The following ZNF718 variants were observed in gnomAD, a reference collection of about 807,000 sequenced individuals.
ZNF718 encodes zinc finger protein 718.
Under a neutral mutation model 2.6 loss-of-function variants are expected in ZNF718, and 3 were observed. The observed-to-expected ratio is 1.16, with a 90% CI of 0.53 to 3.01. The LOEUF is 3.01. Among genes scored for constraint, ZNF718 ranks in the 30% most tolerant of loss-of-function variants. ZNF718 has a pLI of 0.03. For missense variants in ZNF718, 468 were observed against 230.0 expected, an observed-to-expected ratio of 2.03 and a Z score of -6.69; for synonymous variants, 135 against 77.9, an observed-to-expected ratio of 1.73 and a Z score of -3.86.
In ZNF718 at chr4:163,764, T is replaced by C. The variant is rs942616171; in HGVS notation, c.*1642T>C. On this transcript the variant is annotated 3_prime_UTR_variant, in exon 4 of 4. Coordinates refer to ENST00000510175, the MANE Select transcript of ZNF718 (RefSeq NM_001039127.6). ...ACAGTATACTTTTAGTAACATAGTT[T>C]AATGACATTTCTAGTAATTTCTTTT... 3 of 152,196 alleles carry C rather than the reference T, an allele frequency of 2.0e-5. No individual in the cohort carries two copies. Among genetic ancestry groups the C allele is most frequent in the Non-Finnish European group, 2.9e-5 (2 of 68,024 alleles). The allele number at this position is 152,196 out of a possible 1,614,324, so 9.4% of individuals were successfully genotyped here.
At chr4:145,318 T>C (rs1553811025) in intron 3 of ZNF718, among the ~76,000 whole-genome samples, 1 of 152,236 alleles carries the variant, frequency 6.6e-6, no homozygotes, top group Non-Finnish European at 1.5e-5. Flanking sequence ...CATGCTTTCT[T>C]CCCTTGCGTT....
Position 161,473 on chromosome 4 carries a change from C to T in ZNF718, c.788C>T (p.Ala263Val), listed in dbSNP as rs1553815130. The part of the protein sequence containing the change: ...KPYICEKCGK[A>V]FNQSSTLNLH... ...TACATATGTGAAAAATGTGGTAAAG[C>T]TTTTAACCAATCCTCAACCCTTAAT... is the stretch of plus-strand genomic sequence containing the variant. Residue 263 changes from alanine to valine, a missense_variant, in exon 4 of 4, where the codon GCT (alanine) becomes GTT (valine). Ala to Val is a moderately conservative substitution (Grantham distance 64, BLOSUM62 0). Coordinates refer to ENST00000510175, the MANE Select transcript of ZNF718 (RefSeq NM_001039127.6). 10 of 777,320 alleles carry T rather than the reference C, an allele frequency of 1.3e-5. No individual in the cohort carries two copies. The highest frequency in any genetic ancestry group is 2.4e-5 in the Non-Finnish European group (10 of 415,204). The allele number at this position is 777,320 out of a possible 1,614,324, so 48.2% of individuals were successfully genotyped here.
intron 3 of ZNF718, among the ~76,000 whole-genome samples, chr4:187,985 A>AAAATGGATTGGGGTCCCATTT (rs1717602087): frequency 6.6e-6 from 1 of 152,160 alleles, no homozygotes; most frequent in Non-Finnish European, 1.5e-5. Context: ...CCAGCAAGGA[A>AAAATGGATTGGGGTCCCATTT]AAATGGATTG....
At position 162,315 on chromosome 4, in the gene ZNF718, T is replaced by C. The variant is rs1392234146; in HGVS notation, c.*193T>C. 2.1e-6 allele frequency: 1 copy of C among 479,200 alleles called. No homozygotes were observed. The highest frequency in any genetic ancestry group is 3.7e-6 in the Non-Finnish European group (1 of 271,452). 29.7% of individuals were successfully genotyped at this position (479,200 alleles called of 1,614,324 possible). A position where few individuals can be genotyped will look rare whatever the true frequency, so the allele number is the denominator to read the frequency against. On this transcript the variant is annotated 3_prime_UTR_variant, in exon 4 of 4. Coordinates refer to ENST00000510175, the MANE Select transcript of ZNF718 (RefSeq NM_001039127.6). ...AAAATGTGGAAAAGCCTTCAAATGC[T>C]TGTCACATATTACTGAATATAATTC...
intron 3 of ZNF718, among the ~76,000 whole-genome samples, chr4:195,083 G>C (rs1553821838): frequency 6.6e-6 from 1 of 152,144 alleles, no homozygotes; most frequent in Admixed American, 6.5e-5. Context: ...TTGTGCTCAG[G>C]GGTGAGTCCT....
chr4:173,751 G>T (rs1296096372), intron 3 of ZNF718, among the ~76,000 whole-genome samples: 1 of 152,130 alleles, frequency 6.6e-6, no homozygotes, highest in Non-Finnish European at 1.5e-5. Context: ...AAACAGGAGG[G>T]CTGACCAAGC....
chr4:144,173 C>G (rs557472224), intron 3 of ZNF718, among the ~76,000 whole-genome samples: 2 of 152,306 alleles, frequency 1.3e-5, no homozygotes, highest in East Asian at 3.9e-4. Context: ...CCTTCGAGCC[C>G]CTATGCTCGG....
intron 3 of ZNF718, among the ~76,000 whole-genome samples, chr4:144,085 A>T (rs1412959172): frequency 1.3e-5 from 2 of 152,002 alleles, no homozygotes; most frequent in African/African-American, 4.8e-5. Context: ...CACCCTCTCC[A>T]TTTACGTTGG....
intron 3 of ZNF718, among the ~76,000 whole-genome samples, chr4:134,686 C>G (rs1338853609): frequency 6.6e-6 from 1 of 151,332 alleles, no homozygotes; most frequent in Non-Finnish European, 1.5e-5. Flanking sequence ...GTTAAATTTA[C>G]TATGATTAAA....
At chr4:138,146 A>G (rs1434553896) in intron 3 of ZNF718, among the ~76,000 whole-genome samples, 2 of 152,224 alleles carry the variant, frequency 1.3e-5, no homozygotes, top group Non-Finnish European at 2.9e-5. Context: ...CAGACAACCT[A>G]ACTACATTCT....
rs559582367 is a variant in ZNF718 at position 135,119 on chromosome 4, G to A, written c.226+3614G>A. Among the ~76,000 whole-genome samples the A allele has an allele frequency of 7.2e-4, 109 of 151,896 alleles. 1 individual carries two copies. In the South Asian group the frequency reaches 0.021, roughly 30 times the overall value. On this transcript the variant is annotated intron_variant, in intron 3 of 3. Transcript: ENST00000510175. The stretch of plus-strand genomic sequence containing the variant: ...TAGCTGGGCGTGGTGGCACGCGCCT[G>A]TAGTCCCAGCTACTAGGGAGGCTGA...
chr4:175,189 C>G (rs1320359509), intron 3 of ZNF718, among the ~76,000 whole-genome samples: 1 of 152,232 alleles, frequency 6.6e-6, no homozygotes, highest in African/African-American at 2.4e-5. Context: ...CTAAGTGACA[C>G]TTGCAACAAC....
Position 140,325 on chromosome 4 carries a change from C to T in ZNF718, c.226+8820C>T, listed in dbSNP as rs372230426. ...CGGACCTCAACCTTCCCAAAGGGGA[C>T]GTTCTTGGCAGAGGTTCTGAGGTCT... On this transcript the variant is annotated intron_variant, in intron 3 of 3. Coordinates refer to ENST00000510175, the MANE Select transcript of ZNF718 (RefSeq NM_001039127.6). Among the ~76,000 whole-genome samples, 14 of 152,264 alleles carry T rather than the reference C, an allele frequency of 9.2e-5. No homozygotes were observed. The East Asian group carries it at 1.5e-3, about 17-fold the overall frequency.
intron 3 of ZNF718, among the ~76,000 whole-genome samples, chr4:154,668 G>T (rs1480340474): frequency 2.6e-5 from 4 of 152,174 alleles, no homozygotes; most frequent in African/African-American, 9.7e-5. Flanking sequence ...GCATTCATGA[G>T]GTGACTTGGG....
chr4:198,724 G>A (rs1281817334), intron 3 of ZNF718, among the ~76,000 whole-genome samples: 7 of 152,194 alleles, frequency 4.6e-5, no homozygotes, highest in Admixed American at 2.0e-4. Context: ...AAGTCTGCAG[G>A]GAAAAGATGT....
intron 3 of ZNF718, among the ~76,000 whole-genome samples, chr4:190,075 G>A (rs1211239753): frequency 6.6e-6 from 1 of 151,984 alleles, no homozygotes; most frequent in Non-Finnish European, 1.5e-5. Context: ...TTCTTTATTT[G>A]TGATCCTTTT....
chr4:168,341 G>T (rs1553817315), downstream of ZNF718, among the ~76,000 whole-genome samples: 2 of 152,264 alleles, frequency 1.3e-5, no homozygotes, highest in Middle Eastern at 3.4e-3. Context: ...CCAGGCTTTG[G>T]TATCAGGATG....
At chr4:195,725 G>A (rs147114837) in intron 3 of ZNF718, among the ~76,000 whole-genome samples, 26 of 152,076 alleles carry the variant, frequency 1.7e-4, no homozygotes, top group East Asian at 1.9e-4. Context: ...CCATCCACGG[G>A]TTACTGGGTT....
In ZNF718 at chr4:129,444, A is replaced by G. The variant is rs1158340695; in HGVS notation, c.4-1344A>G. Among the ~76,000 whole-genome samples the G allele has an allele frequency of 2.9e-5, 3 of 104,462 alleles. 1 individual carries two copies. The highest frequency in any genetic ancestry group is 1.1e-3 in the East Asian group (2 of 1,894). 68.5% of individuals were successfully genotyped at this position (104,462 alleles called of 152,430 possible). On this transcript the variant is annotated intron_variant, in intron 1 of 3. Coordinates refer to ENST00000510175, the MANE Select transcript of ZNF718 (RefSeq NM_001039127.6). Reference sequence around the variant, plus strand: ...GTCTTACCCCACACTGAAATCTCTCACAGAACTGCTTAGAGGAGATCAGAG... The same window carrying G: ...GTCTTACCCCACACTGAAATCTCTCGCAGAACTGCTTAGAGGAGATCAGAG...
Sources: allele counts gnomAD v4.1 joint callset (sites outside exome capture counted in the v4.1 genomes callset), GRCh38; gene constraint gnomAD v4.1.1; transcripts MANE v1.5; gene names NCBI Gene and HGNC (gene_info 2026-07-23, HGNC 2026-07-21).